KCNAB2: variants seen among roughly 807,000 people sequenced by gnomAD.
KCNAB2 encodes the protein potassium voltage-gated channel subfamily A regulatory beta subunit 2.
A neutral mutation model predicts 63.6 loss-of-function variants in KCNAB2; 29 were observed. The observed-to-expected ratio is 0.46, with a 90% CI of 0.34 to 0.62. The LOEUF is 0.62. KCNAB2 is among the 20% of genes least tolerant of loss of function. The pLI is 0.01. For missense variants in KCNAB2, 359 were observed against 563.9 expected, an observed-to-expected ratio of 0.64 and a Z score of 3.68; for synonymous variants, 222 against 224.2, an observed-to-expected ratio of 0.99 and a Z score of 0.09.
intron 1 of KCNAB2, among the ~76,000 whole-genome samples, chr1:6,038,467 T>G (rs1047982594): frequency 6.6e-6 from 1 of 152,074 alleles, no homozygotes; most frequent in Non-Finnish European, 1.5e-5. Context: ...ATTTTTTTAT[T>G]TTTTAATTTT....
At position 6,100,293 on chromosome 1, in the gene KCNAB2, CCCT is replaced by C. The variant is rs1442893176; in HGVS notation, c.*1724_*1726del. On this transcript the variant is annotated 3_prime_UTR_variant, in exon 16 of 16. Coordinates refer to ENST00000378083, the MANE Select transcript of KCNAB2 (RefSeq NM_001199862.2). ...TGCCCCTGGCGCCTAGAACCCTTGC[CCCT>C]CCTCATAGACCAAGTCCCGGGGGTC... 2.3e-6 allele frequency: 1 copy of C among 432,334 alleles called. No homozygotes were observed. Among genetic ancestry groups the C allele is most frequent in the East Asian group, 3.7e-5 (1 of 26,952 alleles). The allele number at this position is 432,334 out of a possible 1,614,324, so 26.8% of individuals were successfully genotyped here.
upstream of KCNAB2, among the ~76,000 whole-genome samples, chr1:6,044,849 G>A (rs1286722195): frequency 6.6e-6 from 1 of 152,152 alleles, no homozygotes; most frequent in African/African-American, 2.4e-5. Context: ...GACGTCAGAA[G>A]CCACGTCCAC....
chr1:6,014,627 G>T (rs1388204121), intron 1 of KCNAB2, among the ~76,000 whole-genome samples: 5 of 152,214 alleles, frequency 3.3e-5, no homozygotes. Context: ...GGGCTGCGAG[G>T]ATGCCTTGAT....
chr1:6,025,904 TCCCGGCACACAGCCGATC>T (rs1557941191), intron 1 of KCNAB2: 1 of 137,838 alleles, frequency 7.3e-6, no homozygotes, highest in East Asian at 2.0e-4. Flanking sequence ...ACACAGCCGA[TCCCGGCACACAGCCGATC>T]CCGGCACACA....
At chr1:6,077,702 G>C (rs1017172606) in intron 4 of KCNAB2, among the ~76,000 whole-genome samples, 1 of 152,200 alleles carries the variant, frequency 6.6e-6, no homozygotes, top group Non-Finnish European at 1.5e-5. Flanking sequence ...GGAGTGGGAG[G>C]CCTCCCGGTG....
chr1:6,007,077 G>A (rs1166144845), intron 1 of KCNAB2, among the ~76,000 whole-genome samples: 1 of 152,130 alleles, frequency 6.6e-6, no homozygotes, highest in Non-Finnish European at 1.5e-5. Flanking sequence ...AGCGCTTTCT[G>A]TCCCTGTGGC....
At chr1:6,001,377 T>A (rs758942828) in intron 1 of KCNAB2, among the ~76,000 whole-genome samples, 17 of 151,602 alleles carry the variant, frequency 1.1e-4, no homozygotes, top group Non-Finnish European at 1.9e-4. Flanking sequence ...CCACCAGCCC[T>A]CATTCTCTGC....
rs562074904 is a variant in KCNAB2 at position 6,058,541 on chromosome 1, G to T, written c.218+6787G>T. 7.9e-5 allele frequency among the ~76,000 whole-genome samples: 12 copies of T among 152,360 alleles called. No homozygotes were observed. The South Asian group carries it at 1.7e-3, about 21-fold the overall frequency. On this transcript the variant is annotated intron_variant, in intron 2 of 15. Coordinates refer to ENST00000378083, the MANE Select transcript of KCNAB2 (RefSeq NM_001199862.2). ...TAAGCTCCAGGTGACATAACTCAAA[G>T]CTCCAGGCTTGGCTCATTGTGGGAG...
At chr1:6,085,424 A>T (rs1450750766) in intron 6 of KCNAB2, among the ~76,000 whole-genome samples, 176 bp downstream of exon 6, 1 of 152,076 alleles carries the variant, frequency 6.6e-6, no homozygotes, top group Non-Finnish European at 1.5e-5. Context: ...ACTCTGCTTG[A>T]GAAAGAAGTT....
At chr1:6,080,327 T>C (rs549120771) in intron 4 of KCNAB2, among the ~76,000 whole-genome samples, 90 of 152,214 alleles carry the variant, frequency 5.9e-4, no homozygotes, top group African/African-American at 2.1e-3. Context: ...AGGAAAGTGC[T>C]AGAGGTGGGG....
rs140547586 is a variant in KCNAB2 at position 5,994,244 on chromosome 1, G to A, written c.-53+1456G>A. The stretch of plus-strand genomic sequence containing the variant: ...AAGCTCCTGCTCTGCTAAGGAAGCC[G>A]CATTCAGGCCCCGCGTTGCAGGTTG... On this transcript the variant is annotated intron_variant, in intron 1 of 16. Transcript: ENST00000341524. This position sits in a 1 kb window ranked among gnomAD's most constrained non-coding sequence, Gnocchi z 5.4. Among the ~76,000 whole-genome samples, 10 of 152,210 alleles carry A rather than the reference G, an allele frequency of 6.6e-5. No homozygotes were observed. Among genetic ancestry groups the A allele is most frequent in the South Asian group, 4.1e-4 (2 of 4,826 alleles).
intron 1 of KCNAB2, among the ~76,000 whole-genome samples, chr1:6,014,448 T>C (rs1230358923): frequency 6.6e-6 from 1 of 152,230 alleles, no homozygotes; most frequent in African/African-American, 2.4e-5. Context: ...ACTACGCTTA[T>C]TTCATTTCAG....
intron 1 of KCNAB2, among the ~76,000 whole-genome samples, chr1:6,009,062 G>A (rs1657992943): frequency 1.3e-5 from 2 of 152,198 alleles, no homozygotes; most frequent in Admixed American, 1.3e-4. Flanking sequence ...TCTCCCCCAG[G>A]AGCTGCAGGC....
Position 6,024,194 on chromosome 1 carries a change from G to A in KCNAB2, c.-52-16323G>A, listed in dbSNP as rs1165524709. On this transcript the variant is annotated intron_variant, in intron 1 of 16. Transcript: ENST00000341524. This position sits in a 1 kb window ranked among gnomAD's most constrained non-coding sequence, Gnocchi z 5.4. ...TGACCTCAGGTGATCCACCCATCTC[G>A]GCCTCCCAAAGTTCTGGGATTACAG... Among the ~76,000 whole-genome samples, 3 of 152,002 alleles carry A rather than the reference G, an allele frequency of 2.0e-5. No individual in the cohort carries two copies. Among genetic ancestry groups the A allele is most frequent in the African/African-American group, 4.8e-5 (2 of 41,390 alleles).
intron 5 of KCNAB2, among the ~76,000 whole-genome samples, chr1:6,083,678 G>T (rs757175803): frequency 1.3e-5 from 2 of 152,244 alleles, no homozygotes; most frequent in African/African-American, 4.8e-5. Flanking sequence ...CCTCACAGGG[G>T]AGCTGGGCGC....
chr1:6,099,684 G>T lies in KCNAB2; in HGVS notation c.*1110G>T. 1 of 1,362,252 alleles carries T rather than the reference G, an allele frequency of 7.3e-7. No individual in the cohort carries two copies. The allele number at this position is 1,362,252 out of a possible 1,614,324, so 84.4% of individuals were successfully genotyped here. On this transcript the variant is annotated 3_prime_UTR_variant, in exon 16 of 16. Coordinates refer to ENST00000378083, the MANE Select transcript of KCNAB2 (RefSeq NM_001199862.2). ...CTTTCAGTAAGGAAGGGTCTTTGGGGTTTTCTGTGCCCATGACTTGGGGGC... is the reference window on the plus strand; with the variant it reads ...CTTTCAGTAAGGAAGGGTCTTTGGGTTTTTCTGTGCCCATGACTTGGGGGC...
upstream of KCNAB2, chr1:6,045,863 C>T: frequency 1.0e-6 from 1 of 982,242 alleles, no homozygotes; most frequent in Non-Finnish European, 1.2e-6. This position sits in a 1 kb window ranked among gnomAD's most constrained non-coding sequence, Gnocchi z 4.8. Context: ...TCACCTTGGG[C>T]TGCACCCCAA....
chr1:6,013,872 C>A (rs759390998), intron 1 of KCNAB2, among the ~76,000 whole-genome samples: 5 of 152,132 alleles, frequency 3.3e-5, no homozygotes, highest in Non-Finnish European at 7.3e-5. Context: ...GCTCACCCTA[C>A]GAGGAGGCCT....
At chr1:5,998,127 G>A (rs920777004) in intron 1 of KCNAB2, among the ~76,000 whole-genome samples, 1 of 152,278 alleles carries the variant, frequency 6.6e-6, no homozygotes, top group Non-Finnish European at 1.5e-5. Flanking sequence ...CATGGGCAAG[G>A]TCACAGAGGG....
Sources: gnomAD v4.1 joint callset for allele counts (sites outside exome capture counted in the v4.1 genomes callset) on GRCh38, gnomAD v4.1.1 for gene constraint, Gnocchi (gnomAD v3.1) non-coding constraint, MANE v1.5 for transcripts, NCBI Gene and HGNC (gene_info 2026-07-23, HGNC 2026-07-21) for gene names.